Variants in SEMA4A observed in about 807,000 individuals in gnomAD.
The protein encoded by SEMA4A is semaphorin-4A.
A neutral mutation model predicts 72.5 loss-of-function variants in SEMA4A; 52 were observed. The observed-to-expected ratio is 0.72, with a 90% confidence interval of 0.57 to 0.90. The LOEUF is 0.90. Ranked by LOEUF, SEMA4A falls within the 40% of genes least tolerant of loss-of-function variation. SEMA4A has a pLI of 0.00. For synonymous variants in SEMA4A, 369 were observed against 393.1 expected (o/e 0.94, Z 0.73); for missense variants, 926 against 959.7 (o/e 0.96, Z 0.46).
At chr1:156,152,439 G>A (rs1652613719), upstream of SEMA4A, among the ~76,000 whole-genome samples, 1 of 152,214 alleles carries the variant, frequency 6.6e-6, no homozygotes, top group African/African-American at 2.4e-5. Flanking sequence ...AGGCCCAGGG[G>A]CAGACTGGCT....
At chr1:156,161,176 G>C in intron 8 of SEMA4A, 147 bp downstream of exon 8, 1 of 469,264 alleles carries the variant, frequency 2.1e-6, no homozygotes, top group East Asian at 4.1e-5. Context: ...GGGGGACAGC[G>C]GGGCTGGGCG....
At chr1:156,169,135 C>G (rs769256664) in intron 10 of SEMA4A, among the ~76,000 whole-genome samples, 1 of 152,202 alleles carries the variant, frequency 6.6e-6, no homozygotes, top group Non-Finnish European at 1.5e-5. Flanking sequence ...AACAGACTTT[C>G]AAATAATCCT....
chr1:156,163,249 T>G, intron 10 of SEMA4A, 155 bp downstream of exon 10: 1 of 782,112 alleles, frequency 1.3e-6, no homozygotes, highest in Non-Finnish European at 2.1e-6. Context: ...GCTGCCTATA[T>G]TCCACATGTG....
chr1:156,164,615 A>G (rs1653992651), intron 10 of SEMA4A, among the ~76,000 whole-genome samples: 1 of 152,006 alleles, frequency 6.6e-6, no homozygotes, highest in African/African-American at 2.4e-5. Flanking sequence ...CCCACCCCCA[A>G]TCTCCTAACG....
chr1:156,156,377 A>G (rs1653027616), intron 2 of SEMA4A, 37 bp from the exon 3 acceptor site: 7 of 1,609,492 alleles, frequency 4.3e-6, no homozygotes, highest in Non-Finnish European at 6.0e-6. Context: ...CTGCCCACCA[A>G]GTCCTCATCA....
At chr1:156,165,111 T>C (rs1487491746) in intron 10 of SEMA4A, among the ~76,000 whole-genome samples, 2 of 152,118 alleles carry the variant, frequency 1.3e-5, no homozygotes, top group African/African-American at 2.4e-5. Context: ...TAAGCTCTTA[T>C]CTTTAATCCA....
chr1:156,166,599 A>C (rs1008886456), intron 10 of SEMA4A, among the ~76,000 whole-genome samples: 3 of 152,136 alleles, frequency 2.0e-5, no homozygotes, highest in South Asian at 4.1e-4. Flanking sequence ...TCTTTCTGTC[A>C]GGTTTTTCAT....
chr1:156,162,940 C>T lies in SEMA4A; in HGVS notation c.984-4C>T, dbSNP rs774060879. ...CAGACAATGTTCCCTCTGGCTGTCT[C>T]CAGGCAGGTTGGCGGGACCAGGAGC... is the stretch of plus-strand genomic sequence containing the variant. On this transcript the variant is annotated splice_region_variant and splice_polypyrimidine_tract_variant and intron_variant, in intron 9 of 14. Transcript: ENST00000368285. The T allele has an allele frequency of 6.2e-7, 1 of 1,613,502 alleles. No homozygotes were observed. The highest frequency in any genetic ancestry group is 1.7e-5 in the Admixed American group (1 of 60,026).
chr1:156,175,941 G>T (rs1655283787), intron 14 of SEMA4A, among the ~76,000 whole-genome samples: 1 of 152,122 alleles, frequency 6.6e-6, no homozygotes, highest in Non-Finnish European at 1.5e-5. Context: ...GATTAAGGAG[G>T]AGTGAAATTT....
At chr1:156,175,500 C>A in intron 13 of SEMA4A, 56 bp from the exon 14 acceptor site, 2 of 1,421,560 alleles carry the variant, frequency 1.4e-6, no homozygotes, top group Non-Finnish European at 2.0e-6. Context: ...TTCCTCCTTC[C>A]TCTTCCCACT....
In SEMA4A at chr1:156,158,455, C is replaced by A; in HGVS notation, c.431C>A (p.Thr144Asn). ...GTCACCCATCTCTACACCTGCGGCA[C>A]CTTCGCCTTCAGCCCTGCTTGTACC... ...YNVTHLYTCGTFAFSPACTFI... is the reference protein window; with the variant it reads ...YNVTHLYTCGNFAFSPACTFI... The change falls in exon 5 of 15, where the codon ACC becomes AAC. Residue 144 changes from threonine (T) to asparagine (N), a missense_variant. Transcript: ENST00000368285. 2 of 1,614,028 alleles carry A rather than the reference C, an allele frequency of 1.2e-6. No homozygotes were observed. The highest frequency in any genetic ancestry group is 1.7e-6 in the Non-Finnish European group (2 of 1,179,924).
intron 10 of SEMA4A, 113 bp downstream of exon 10, chr1:156,163,207 A>G (rs1239803890): frequency 1.6e-6 from 2 of 1,223,666 alleles, no homozygotes; most frequent in Non-Finnish European, 2.4e-6. Context: ...CCACCCCACC[A>G]ATCTCGCCTG....
At chr1:156,154,176 A>G (rs1652782408) in intron 1 of SEMA4A, among the ~76,000 whole-genome samples, 1 of 152,176 alleles carries the variant, frequency 6.6e-6, no homozygotes, top group Admixed American at 6.5e-5. Context: ...TTCCCTGCCC[A>G]GAGCCAGGCA....
At chr1:156,172,737 G>T in intron 10 of SEMA4A, 89 bp from the exon 11 acceptor site, 1 of 1,213,288 alleles carries the variant, frequency 8.2e-7, no homozygotes. Context: ...CCATGAGGGA[G>T]GGGGTAAAGG....
rs1653158096 is a variant in SEMA4A at position 156,157,571 on chromosome 1, C to A, written c.301-499C>A. On this transcript the variant is annotated intron_variant, in intron 3 of 14. Coordinates refer to ENST00000368285, the MANE Select transcript of SEMA4A (RefSeq NM_022367.4). The surrounding 1 kb of genome is among the most constrained non-coding windows in gnomAD (Gnocchi z 4.5). ...AAGGCACTAGCAATATTAGCAATCA[C>A]CTCCATGGTTCATGTATCCTGATGT... Among the ~76,000 whole-genome samples the A allele has an allele frequency of 6.6e-6, 1 of 152,198 alleles. No homozygotes were observed. The highest frequency in any genetic ancestry group is 1.5e-5 in the Non-Finnish European group (1 of 68,046).
At chr1:156,148,273 A>T (rs1652252993), upstream of SEMA4A, among the ~76,000 whole-genome samples, 1 of 152,140 alleles carries the variant, frequency 6.6e-6, no homozygotes, top group African/African-American at 2.4e-5. Context: ...ACTCCCCACC[A>T]TCTTAATTTC....
Position 156,177,205 on chromosome 1 carries a change from A to T in SEMA4A, c.*208A>T, listed in dbSNP as rs143262805. On this transcript the variant is annotated 3_prime_UTR_variant, in exon 15 of 15. Coordinates refer to ENST00000368285, the MANE Select transcript of SEMA4A (RefSeq NM_022367.4). ...TATGGGACTCCCTTCTACCAAGCAC[A>T]TGAGCTCTCTAACAGGGTGGGGGCT... is the stretch of plus-strand genomic sequence containing the variant. 1 of 637,492 alleles carries T rather than the reference A, an allele frequency of 1.6e-6. No homozygotes were observed. The highest frequency in any genetic ancestry group is 2.3e-5 in the Admixed American group (1 of 43,352). 39.5% of individuals were successfully genotyped at this position (637,492 alleles called of 1,614,324 possible).
chr1:156,154,456 C>T (rs1452997603), intron 1 of SEMA4A, 94 bp from the exon 2 acceptor site: 1 of 1,184,056 alleles, frequency 8.4e-7, no homozygotes. Context: ...CACCAATACA[C>T]ACGCTTCTGC....
Position 156,156,503 on chromosome 1 carries a change from T to C in SEMA4A, c.229T>C (p.Tyr77His). 6.2e-7 allele frequency: 1 copy of C among 1,614,120 alleles called. No homozygotes were observed. Among genetic ancestry groups the C allele is most frequent in the Non-Finnish European group, 8.5e-7 (1 of 1,180,002 alleles). Reference protein sequence around the residue: ...LLLSGDGNTLYVGAREAILAL... With the variant: ...LLLSGDGNTLHVGAREAILAL... ...CCTGAGTGGTGATGGAAATACTCTCTACGTGGGGGCTCGAGAAGCCATTCT... is the reference window on the plus strand; with the variant it reads ...CCTGAGTGGTGATGGAAATACTCTCCACGTGGGGGCTCGAGAAGCCATTCT... The change falls in exon 3 of 15, where the codon TAC becomes CAC. Residue 77 changes from tyrosine to histidine, a missense_variant. Transcript: ENST00000368285.
Sources: allele counts gnomAD v4.1 joint callset (sites outside exome capture counted in the v4.1 genomes callset), GRCh38; gene constraint gnomAD v4.1.1; non-coding constraint Gnocchi (gnomAD v3.1); transcripts MANE v1.5; gene names NCBI Gene and HGNC (gene_info 2026-07-23, HGNC 2026-07-21).